Variants in WWOX observed in about 807,000 individuals in gnomAD.
WWOX encodes WW domain containing oxidoreductase.
WWOX carries 69 observed loss-of-function variants against 46.2 expected under a neutral mutation model. The ratio of observed to expected loss-of-function variants is 1.49; its 90% CI spans 1.23 to 1.82. WWOX has a LOEUF of 1.82. WWOX is among the 40% of genes most tolerant of loss of function. The pLI is 0.00. For missense variants in WWOX, 919 were observed against 542.6 expected (o/e 1.69, Z -6.89); for synonymous variants, 359 against 202.6 (o/e 1.77, Z -6.56).
chr16:78,685,704 C>G (rs2047839070), intron 8 of WWOX, among the ~76,000 whole-genome samples: 2 of 152,212 alleles, frequency 1.3e-5, no homozygotes, highest in African/African-American at 2.4e-5. Context: ...CTCCTGTCCT[C>G]CCTCTTTGAA....
At chr16:79,172,765 C>T (rs897076829) in intron 8 of WWOX, among the ~76,000 whole-genome samples, 20 of 152,138 alleles carry the variant, frequency 1.3e-4, no homozygotes, top group African/African-American at 4.1e-4. Flanking sequence ...GTGGCTCACG[C>T]CTGTAATTCC....
At chr16:79,156,299 C>T (rs1284006225) in intron 8 of WWOX, among the ~76,000 whole-genome samples, 1 of 152,114 alleles carries the variant, frequency 6.6e-6, no homozygotes, top group Non-Finnish European at 1.5e-5. Flanking sequence ...ATAGCTAAGA[C>T]CCAGGTGCGC....
intron 8 of WWOX, among the ~76,000 whole-genome samples, chr16:78,634,945 G>A (rs2046532709): frequency 1.3e-5 from 2 of 151,576 alleles, no homozygotes; most frequent in South Asian, 4.2e-4. Context: ...CGAGGAGGAG[G>A]GAAAGGGTCC....
intron 8 of WWOX, among the ~76,000 whole-genome samples, chr16:79,130,122 T>G (rs984377127): frequency 1.3e-5 from 2 of 152,200 alleles, no homozygotes; most frequent in African/African-American, 4.8e-5. Context: ...ATGAGATGTG[T>G]AATAGAAAGG....
At chr16:78,771,491 G>A (rs1453202504) in intron 8 of WWOX, among the ~76,000 whole-genome samples, 4 of 152,158 alleles carry the variant, frequency 2.6e-5, no homozygotes, top group Non-Finnish European at 5.9e-5. Flanking sequence ...CTTAAAATGC[G>A]CTGGGTGCGG....
intron 8 of WWOX, among the ~76,000 whole-genome samples, chr16:78,901,529 C>G (rs369757408): frequency 1.3e-5 from 2 of 152,124 alleles, no homozygotes; most frequent in Non-Finnish European, 2.9e-5. Flanking sequence ...CCTCTGTTGC[C>G]CAGGCTCGAG....
rs543749319 is a variant in WWOX, at chr16:79,212,385, G to C, written c.*589G>C. ...GGGAGTAGAATACGCAGAACTACCAGGTGGCAAAGTACTTGTCATAGACTC... is the reference window on the plus strand; with the variant it reads ...GGGAGTAGAATACGCAGAACTACCACGTGGCAAAGTACTTGTCATAGACTC... On this transcript the variant is annotated 3_prime_UTR_variant, in exon 9 of 9. Transcript: ENST00000566780. 19 of 481,290 alleles carry C rather than the reference G, an allele frequency of 3.9e-5. No individual in the cohort carries two copies. Among genetic ancestry groups the C allele is most frequent in the African/African-American group, 2.9e-4 (15 of 52,474 alleles). The allele number at this position is 481,290 out of a possible 1,614,324, so 29.8% of individuals were successfully genotyped here. A position where few individuals can be genotyped will look rare whatever the true frequency, so the allele number is the denominator to read the frequency against.
intron 8 of WWOX, among the ~76,000 whole-genome samples, chr16:79,047,222 A>C (rs1021288783): frequency 3.3e-5 from 5 of 152,140 alleles, no homozygotes; most frequent in African/African-American, 1.2e-4. Context: ...AAGAGACACA[A>C]ATTGTCCTTA....
intron 8 of WWOX, among the ~76,000 whole-genome samples, chr16:79,027,049 G>A (rs1412137903): frequency 6.6e-6 from 1 of 151,560 alleles, no homozygotes. Context: ...GGAGGTCAAG[G>A]CAGGAGGATC....
chr16:78,205,428 A>C (rs1390910023), intron 5 of WWOX, among the ~76,000 whole-genome samples: 1 of 151,942 alleles, frequency 6.6e-6, no homozygotes, highest in Non-Finnish European at 1.5e-5. Flanking sequence ...ATCCATCCAC[A>C]CAACCACTTA....
chr16:78,934,268 G>A (rs369344537), intron 8 of WWOX, among the ~76,000 whole-genome samples: 1 of 148,658 alleles, frequency 6.7e-6, no homozygotes, highest in Admixed American at 6.8e-5. Context: ...AACCCAGGAG[G>A]CGGATCTTGC....
intron 8 of WWOX, among the ~76,000 whole-genome samples, chr16:78,962,186 C>T (rs1026632272): frequency 1.3e-5 from 2 of 151,992 alleles, no homozygotes; most frequent in East Asian, 1.9e-4. Flanking sequence ...TTAATGAGGA[C>T]AGCCACCCTG....
intron 8 of WWOX, among the ~76,000 whole-genome samples, chr16:78,664,122 G>C (rs1191955360): frequency 6.6e-6 from 1 of 152,190 alleles, no homozygotes; most frequent in Non-Finnish European, 1.5e-5. Context: ...AGGATATGCT[G>C]GGAGGTGACC....
chr16:78,732,360 C>T (rs991483833), intron 8 of WWOX, among the ~76,000 whole-genome samples: 2 of 152,050 alleles, frequency 1.3e-5, no homozygotes, highest in Non-Finnish European at 2.9e-5. Context: ...GGTAGGAAGA[C>T]CGTGAGAGGC....
intron 5 of WWOX, among the ~76,000 whole-genome samples, chr16:78,359,515 AATCT>A (rs1257530875): frequency 6.6e-6 from 1 of 152,202 alleles, no homozygotes; most frequent in East Asian, 1.9e-4. Flanking sequence ...TTTCTTTTTT[AATCT>A]ATCTTAGAGC....
chr16:78,941,204 C>A (rs984235506), intron 8 of WWOX, among the ~76,000 whole-genome samples: 1 of 152,256 alleles, frequency 6.6e-6, no homozygotes, highest in Non-Finnish European at 1.5e-5. Flanking sequence ...AAGGATAAAT[C>A]TATCATGTAG....
intron 3 of WWOX, among the ~76,000 whole-genome samples, chr16:78,114,733 G>A (rs1018358202): frequency 6.7e-6 from 1 of 148,682 alleles, no homozygotes; most frequent in Non-Finnish European, 1.5e-5. Flanking sequence ...AATAGTTATT[G>A]TATGTTACAG....
chr16:79,155,467 G>T (rs2050363284), intron 8 of WWOX, among the ~76,000 whole-genome samples: 1 of 152,054 alleles, frequency 6.6e-6, no homozygotes, highest in Admixed American at 6.6e-5. Context: ...TATTATGTAG[G>T]TATTCATATA....
chr16:78,150,302 C>T (rs1055801764), intron 4 of WWOX, among the ~76,000 whole-genome samples: 5 of 152,184 alleles, frequency 3.3e-5, no homozygotes, highest in African/African-American at 1.2e-4. Flanking sequence ...ATACCCCCTC[C>T]CGGCATGCCC....
Sources: allele counts gnomAD v4.1 joint callset (sites outside exome capture counted in the v4.1 genomes callset), GRCh38; gene constraint gnomAD v4.1.1; transcripts MANE v1.5; gene names NCBI Gene and HGNC (gene_info 2026-07-23, HGNC 2026-07-21).